UBE2E2: variants seen among roughly 807,000 people sequenced by gnomAD.
UBE2E2 encodes the protein ubiquitin-conjugating enzyme E2 E2.
In UBE2E2, 6 loss-of-function variants were observed where a neutral mutation model predicts 24.7. The ratio of observed to expected loss-of-function variants is 0.24; its 90% CI spans 0.13 to 0.48. The LOEUF is 0.48. UBE2E2 is among the 20% of genes least tolerant of loss of function. The pLI, the probability that UBE2E2 is intolerant of heterozygous loss-of-function variation, is 0.99. For missense variants in UBE2E2, 169 were observed against 245.0 expected (o/e 0.69, Z 2.07); for synonymous variants, 104 against 83.6 (o/e 1.24, Z -1.33).
intron 3 of UBE2E2, among the ~76,000 whole-genome samples, chr3:23,231,638 GAGGGCT>G (rs1425897002): frequency 7.9e-5 from 12 of 152,094 alleles, no homozygotes; most frequent in Admixed American, 7.9e-4. Context: ...ACTACAGATT[GAGGGCT>G]TAGTCCCAAA....
At chr3:23,393,874 TACTC>T (rs1442939273) in intron 3 of UBE2E2, among the ~76,000 whole-genome samples, 4 of 152,218 alleles carry the variant, frequency 2.6e-5, no homozygotes, top group Admixed American at 6.5e-5. Flanking sequence ...CATTTGCACT[TACTC>T]ACTTACATAT....
At chr3:23,203,202 G>A, upstream of UBE2E2, 3 of 986,542 alleles carry the variant, frequency 3.0e-6, no homozygotes, top group Non-Finnish European at 3.6e-6. Context: ...ACAGCCGCGG[G>A]CAGCAGCCTC....
rs1696231842 is a variant in UBE2E2, at chr3:23,208,860, C to T, written c.161C>T (p.Ser54Leu). The T allele has an allele frequency of 6.2e-7, 1 of 1,612,476 alleles. No individual in the cohort carries two copies. The highest frequency in any genetic ancestry group is 8.5e-7 in the Non-Finnish European group (1 of 1,179,236). The change falls in exon 2 of 6, where the codon TCA (serine) becomes TTA (leucine). Residue 54 changes from serine (S) to leucine (L), a missense_variant. This residue lies in a region of UBE2E2 where 64 missense variants were observed against 64.3 expected (regional missense o/e 1.00). Transcript: ENST00000396703. ...TCCAGCAAAACCGCTGCTAAATTGT[C>T]AACTAGTGCTAAAAGGTACTTCAGT... The part of the protein sequence containing the change: ...KISSKTAAKL[S>L]TSAKRIQKEL...
chr3:23,243,252 A>G (rs190073770), intron 3 of UBE2E2, among the ~76,000 whole-genome samples: 30 of 152,332 alleles, frequency 2.0e-4, no homozygotes, highest in African/African-American at 7.2e-4. Flanking sequence ...CACTAGAGCC[A>G]GCAATATGGA....
At chr3:23,550,808 G>A (rs1160281604) in intron 5 of UBE2E2, among the ~76,000 whole-genome samples, 2 of 152,158 alleles carry the variant, frequency 1.3e-5, no homozygotes, top group African/African-American at 4.8e-5. Context: ...CTGAGTTGAG[G>A]AGACAGAGAT....
chr3:23,282,397 C>T (rs914292004), intron 3 of UBE2E2, among the ~76,000 whole-genome samples: 7 of 152,138 alleles, frequency 4.6e-5, no homozygotes, highest in Non-Finnish European at 2.9e-5. Flanking sequence ...TCTTATTATG[C>T]ATGATTTTCC....
intron 3 of UBE2E2, among the ~76,000 whole-genome samples, chr3:23,328,359 T>G (rs1694962772): frequency 6.6e-6 from 1 of 152,166 alleles, no homozygotes; most frequent in Admixed American, 6.5e-5. Context: ...TGATAAACAT[T>G]CAGTAGAAAA....
chr3:23,545,714 T>C (rs1218802119), intron 5 of UBE2E2, among the ~76,000 whole-genome samples: 1 of 152,122 alleles, frequency 6.6e-6, no homozygotes, highest in East Asian at 1.9e-4. Flanking sequence ...CCTGCACATA[T>C]ATGTTTATCA....
chr3:23,387,472 C>T (rs1250442211), intron 3 of UBE2E2, among the ~76,000 whole-genome samples: 1 of 152,088 alleles, frequency 6.6e-6, no homozygotes, highest in Non-Finnish European at 1.5e-5. Flanking sequence ...CCTTTTTTAT[C>T]TATAGGACAC....
At chr3:23,288,992 T>C (rs1010368555) in intron 3 of UBE2E2, among the ~76,000 whole-genome samples, 1 of 152,194 alleles carries the variant, frequency 6.6e-6, no homozygotes, top group Admixed American at 6.5e-5. Flanking sequence ...AGTGACTCTT[T>C]TAGCAATATG....
At chr3:23,431,063 T>C (rs1698049129) in intron 3 of UBE2E2, among the ~76,000 whole-genome samples, 1 of 152,112 alleles carries the variant, frequency 6.6e-6, no homozygotes, top group African/African-American at 2.4e-5. Flanking sequence ...TTTACAACAA[T>C]GGAGTGGGAT....
chr3:23,224,122 T>G (rs1342262452), intron 3 of UBE2E2, among the ~76,000 whole-genome samples: 2 of 151,746 alleles, frequency 1.3e-5, no homozygotes, highest in Non-Finnish European at 2.9e-5. Flanking sequence ...TTGCTTTGGC[T>G]ATTCATAGTC....
intron 3 of UBE2E2, among the ~76,000 whole-genome samples, chr3:23,489,174 T>G (rs951112427): frequency 6.6e-6 from 1 of 152,158 alleles, no homozygotes; most frequent in Non-Finnish European, 1.5e-5. Flanking sequence ...ACGGCATGGG[T>G]CGGGGAGATG....
intron 3 of UBE2E2, among the ~76,000 whole-genome samples, chr3:23,302,280 GA>G (rs1412123005): frequency 1.3e-5 from 2 of 152,132 alleles, no homozygotes; most frequent in Non-Finnish European, 2.9e-5. Context: ...CAGATTTTCA[GA>G]GACTATATAA....
chr3:23,302,892 C>T (rs17012969), intron 3 of UBE2E2, among the ~76,000 whole-genome samples: 4,293 of 152,256 alleles, frequency 0.028, 107 homozygotes, highest in East Asian at 0.13. Flanking sequence ...ACTGCTTCCC[C>T]TAATTTTTCT....
At chr3:23,482,424 T>C (rs1390283750) in intron 3 of UBE2E2, among the ~76,000 whole-genome samples, 2 of 152,118 alleles carry the variant, frequency 1.3e-5, no homozygotes, top group Admixed American at 1.3e-4. Flanking sequence ...AAAAACTTGT[T>C]TCCAGCTGGG....
chr3:23,459,928 G>C (rs1396285148), intron 3 of UBE2E2, among the ~76,000 whole-genome samples: 1 of 152,178 alleles, frequency 6.6e-6, no homozygotes, highest in Non-Finnish European at 1.5e-5. Context: ...TATGCCAACA[G>C]TTCTCTTATG....
At chr3:23,374,935 C>T (rs1696484837) in intron 3 of UBE2E2, among the ~76,000 whole-genome samples, 2 of 152,060 alleles carry the variant, frequency 1.3e-5, no homozygotes, top group African/African-American at 4.8e-5. Context: ...TAATTTTTCA[C>T]ATCTCTAGAT....
chr3:23,545,254 C>G (rs1276199198), intron 5 of UBE2E2, among the ~76,000 whole-genome samples: 1 of 152,080 alleles, frequency 6.6e-6, no homozygotes, highest in South Asian at 2.1e-4. Context: ...TCCCTTCCCA[C>G]GAGGCCATAT....
Sources: gnomAD v4.1 joint callset for allele counts (sites outside exome capture counted in the v4.1 genomes callset) on GRCh38, gnomAD v4.1.1 for gene constraint, gnomAD v4.1.1 regional missense constraint, MANE v1.5 for transcripts, NCBI Gene and HGNC (gene_info 2026-07-23, HGNC 2026-07-21) for gene names.